The following PAPOLA variants were observed in gnomAD, a reference collection of about 807,000 sequenced individuals.
PAPOLA encodes polynucleotide adenylyltransferase alpha.
A neutral mutation model predicts 100.6 loss-of-function variants in PAPOLA; 15 were observed. The observed-to-expected ratio is 0.15, with a 90% CI of 0.10 to 0.23. The LOEUF (loss-of-function observed/expected upper bound fraction) is 0.23. Among genes scored for constraint, PAPOLA ranks in the 10% least tolerant of loss-of-function variants. The probability of loss-of-function intolerance (pLI) is 1.00; values close to 1 mark genes in which losing one functional copy is unlikely to be tolerated. For synonymous variants in PAPOLA, 293 were observed against 300.0 expected, an observed-to-expected ratio of 0.98 and a Z score of 0.24; for missense variants, 533 against 884.2, an observed-to-expected ratio of 0.60 and a Z score of 5.04.
rs775056574 is a variant in PAPOLA at position 96,535,950 on chromosome 14, C to T, written c.981C>T (p.Tyr327=). 1 of 1,608,156 alleles carries T rather than the reference C, an allele frequency of 6.2e-7. No individual in the cohort carries two copies. Among genetic ancestry groups the T allele is most frequent in the East Asian group, 2.2e-5 (1 of 44,656 alleles). The change falls in exon 11 of 22, where the codon TAC becomes TAT. Residue 327 remains tyrosine, a synonymous_variant. Transcript: ENST00000216277. ...CATACCCACAACAGAACTCCACGTA[C>T]AATGTGTCCGTTTCAACACGGATGG... ...TPAYPQQNST[Y]NVSVSTRMVM...
intron 12 of PAPOLA, among the ~76,000 whole-genome samples, chr14:96,540,176 A>G (rs1261472400): frequency 1.3e-5 from 2 of 152,190 alleles, no homozygotes; most frequent in African/African-American, 4.8e-5. Context: ...CCCTTTATAA[A>G]TAAAGAACAT....
At chr14:96,547,764 T>G in intron 15 of PAPOLA, 33 bp from the exon 16 acceptor site, 1 of 1,545,772 alleles carries the variant, frequency 6.5e-7, no homozygotes, top group Non-Finnish European at 8.8e-7. Context: ...TTAAAATGTT[T>G]CTATTTCTTG....
chr14:96,560,076 C>T (rs76703968), intron 19 of PAPOLA, among the ~76,000 whole-genome samples: 1 of 152,120 alleles, frequency 6.6e-6, no homozygotes, highest in Non-Finnish European at 1.5e-5. Context: ...TTAAAAGTCA[C>T]ATTTAAAATT....
intron 16 of PAPOLA, among the ~76,000 whole-genome samples, chr14:96,549,472 TCTC>T (rs1900665964): frequency 6.6e-6 from 1 of 152,064 alleles, no homozygotes; most frequent in African/African-American, 2.4e-5. Context: ...ATGGTCTCGA[TCTC>T]CTGGCCTCGT....
intron 1 of PAPOLA, 197 bp downstream of exon 1, chr14:96,502,797 TC>T (rs1896391781): frequency 5.5e-6 from 3 of 545,148 alleles, no homozygotes; most frequent in Non-Finnish European, 9.1e-6. Flanking sequence ...GGTTCCCGCG[TC>T]CCCCGACCCT....
intron 7 of PAPOLA, 43 bp downstream of exon 7, chr14:96,531,629 C>T (rs1899024888): frequency 2.6e-6 from 4 of 1,562,788 alleles, no homozygotes; most frequent in East Asian, 4.7e-5. Context: ...CAGTTTTTGT[C>T]AGATATTAGT....
chr14:96,509,965 CTTTTTTTTT>C (rs11372552), intron 1 of PAPOLA, among the ~76,000 whole-genome samples: 11 of 84,428 alleles, frequency 1.3e-4, no homozygotes, highest in African/African-American at 3.2e-4. Flanking sequence ...GTGGGAGTTG[CTTTTTTTTT>C]TTTTTTTTTT....
intron 12 of PAPOLA, among the ~76,000 whole-genome samples, chr14:96,538,878 A>C (rs1160206814): frequency 6.6e-6 from 1 of 152,072 alleles, no homozygotes; most frequent in African/African-American, 2.4e-5. Flanking sequence ...TATTTGAGGC[A>C]TATCATGAAA....
intron 3 of PAPOLA, among the ~76,000 whole-genome samples, chr14:96,524,721 A>G (rs2140267031): frequency 6.6e-6 from 1 of 152,166 alleles, no homozygotes; most frequent in African/African-American, 2.4e-5. Flanking sequence ...ACGGGGTTTC[A>G]CATGTTGCCG....
In PAPOLA at chr14:96,537,006, G is replaced by A. The variant is rs750215719; in HGVS notation, c.1061G>A (p.Ser354Asn). 4 of 1,608,794 alleles carry A rather than the reference G, an allele frequency of 2.5e-6. No individual in the cohort carries two copies. In the South Asian group the frequency reaches 3.3e-5, roughly 13 times the overall value. Residue 354 changes from serine to asparagine, a missense_variant, in exon 12 of 22, where the codon AGT becomes AAT. Coordinates refer to ENST00000216277, the MANE Select transcript of PAPOLA (RefSeq NM_032632.5). ...GLAITDEILL[S>N]KAEWSKLFEA... is the part of the protein sequence containing the mutation. ...GCTATCACAGATGAAATTTTGCTGA[G>A]TAAGGCAGAGTGGTCCAAACTTTTT...
Position 96,550,658 on chromosome 14 carries a change from G to A in PAPOLA, c.1522-1822G>A, listed in dbSNP as rs185604043. Reference sequence around the variant, plus strand: ...CTGCCTTTTTTTGTGTTAACATATCGTGACCATCTATCCAAATTACATTTT... The same window carrying A: ...CTGCCTTTTTTTGTGTTAACATATCATGACCATCTATCCAAATTACATTTT... On this transcript the variant is annotated intron_variant, in intron 16 of 21. Coordinates refer to ENST00000216277, the MANE Select transcript of PAPOLA (RefSeq NM_032632.5). Among the ~76,000 whole-genome samples the A allele has an allele frequency of 1.2e-4, 18 of 152,136 alleles. No homozygotes were observed. The East Asian group carries it at 1.3e-3, about 11-fold the overall frequency.
rs1897483142 is a variant in PAPOLA, at chr14:96,516,559, A to C, written c.9-3496A>C. 2.6e-5 allele frequency among the ~76,000 whole-genome samples: 4 copies of C among 152,050 alleles called. No homozygotes were observed. In the South Asian group the frequency reaches 8.3e-4, roughly 31 times the overall value. ...TGCTGTGTTGCCCAGGCTGGTCTCAAATTCCTGACCTCAAGTGATTTTCCC... is the reference window on the plus strand; with the variant it reads ...TGCTGTGTTGCCCAGGCTGGTCTCACATTCCTGACCTCAAGTGATTTTCCC... On this transcript the variant is annotated intron_variant, in intron 1 of 21. Transcript: ENST00000216277.
Position 96,559,540 on chromosome 14 carries a change from G to A in PAPOLA, c.2005-1109G>A, listed in dbSNP as rs1280630928. Reference sequence around the variant, plus strand: ...TGTTTGCTCTATTTCCTGGATTATAGCTAAATTAACCTCTCTCTCTCTCTC... The same window carrying A: ...TGTTTGCTCTATTTCCTGGATTATAACTAAATTAACCTCTCTCTCTCTCTC... On this transcript the variant is annotated intron_variant, in intron 19 of 21. Coordinates refer to ENST00000216277, the MANE Select transcript of PAPOLA (RefSeq NM_032632.5). Among the ~76,000 whole-genome samples, 9 of 120,068 alleles carry A rather than the reference G, an allele frequency of 7.5e-5. No individual in the cohort carries two copies. In the East Asian group the frequency reaches 2.2e-3, roughly 29 times the overall value. 78.8% of individuals were successfully genotyped at this position (120,068 alleles called of 152,430 possible). A position where few individuals can be genotyped will look rare whatever the true frequency, so the allele number is the denominator to read the frequency against.
At chr14:96,524,248 A>T (rs1898265690) in intron 3 of PAPOLA, among the ~76,000 whole-genome samples, 1 of 152,096 alleles carries the variant, frequency 6.6e-6, no homozygotes, top group Admixed American at 6.6e-5. Flanking sequence ...CATTCTTACG[A>T]GCAGGGCCAT....
intron 6 of PAPOLA, among the ~76,000 whole-genome samples, chr14:96,530,518 G>A (rs1415963449): frequency 6.6e-6 from 1 of 151,550 alleles, no homozygotes; most frequent in African/African-American, 2.4e-5. Context: ...CCCCCAAGTA[G>A]GTGGGACTAC....
chr14:96,551,702 A>G lies in PAPOLA; in HGVS notation c.1522-778A>G, dbSNP rs1054231092. ...ATGTAATATTACAGTAGTACCAAAT[A>G]GCGAAAATTTAAACTCTGTTACTAG... On this transcript the variant is annotated intron_variant, in intron 16 of 21. Coordinates refer to ENST00000216277, the MANE Select transcript of PAPOLA (RefSeq NM_032632.5). Among the ~76,000 whole-genome samples, 3 of 152,254 alleles carry G rather than the reference A, an allele frequency of 2.0e-5. No individual in the cohort carries two copies. In the East Asian group the frequency reaches 5.8e-4, roughly 29 times the overall value.
intron 4 of PAPOLA, 151 bp from the exon 5 acceptor site, chr14:96,527,279 A>G (rs937438545): frequency 1.7e-6 from 1 of 596,716 alleles, no homozygotes; most frequent in Non-Finnish European, 3.0e-6. Flanking sequence ...TTTGTCCTCC[A>G]TTGACTGGTA....
chr14:96,527,622 T>C, intron 5 of PAPOLA, 83 bp downstream of exon 5: 1 of 761,882 alleles, frequency 1.3e-6, no homozygotes. Context: ...ATAGCCATCA[T>C]TTATTGAGTT....
intron 1 of PAPOLA, among the ~76,000 whole-genome samples, chr14:96,507,568 C>G (rs1297672428): frequency 6.6e-6 from 1 of 152,096 alleles, no homozygotes; most frequent in Admixed American, 6.5e-5. Flanking sequence ...AGCCACCGCG[C>G]CTGGCCGAAA....
Sources: allele counts gnomAD v4.1 joint callset (sites outside exome capture counted in the v4.1 genomes callset), GRCh38; gene constraint gnomAD v4.1.1; transcripts MANE v1.5; gene names NCBI Gene and HGNC (gene_info 2026-07-23, HGNC 2026-07-21).